The following RGPD1 variants were observed in gnomAD, a reference collection of about 807,000 sequenced individuals.
The protein encoded by RGPD1 is RANBP2-like and GRIP domain-containing protein 1.
A neutral mutation model predicts 40.6 loss-of-function variants in RGPD1; 7 were observed. That is an observed-to-expected ratio of 0.17 (90% confidence interval 0.10 to 0.32). RGPD1 has a LOEUF of 0.32. RGPD1 is among the 10% of genes least tolerant of loss of function. The pLI, the probability that RGPD1 is intolerant of heterozygous loss-of-function variation, is 1.00. For synonymous variants in RGPD1, 24 were observed against 167.0 expected, an observed-to-expected ratio of 0.14 and a Z score of 6.60; for missense variants, 50 against 472.5, an observed-to-expected ratio of 0.11 and a Z score of 8.29.
chr2:86,914,041 GCGGCGGCGGCGGCGGCCT>G (rs1238251939), intron 1 of RGPD1: 2 of 60,418 alleles, frequency 3.3e-5, no homozygotes, highest in Non-Finnish European at 6.8e-5. Context: ...GGCGGCGGCG[GCGGCGGCGGCGGCGGCCT>G]CGGCCTCGGC....
At chr2:86,914,180 G>A (rs890086167) in intron 1 of RGPD1, among the ~76,000 whole-genome samples, 2 of 58,638 alleles carry the variant, frequency 3.4e-5, no homozygotes, top group Non-Finnish European at 6.9e-5. Flanking sequence ...CGGCCTGGCC[G>A]GACGGCGGCG....
chr2:86,988,475 A>T (rs1228531315), intron 20 of RGPD1, among the ~76,000 whole-genome samples: 1 of 94,636 alleles, frequency 1.1e-5, no homozygotes, highest in Non-Finnish European at 2.2e-5. Context: ...AAACAAAAAA[A>T]ACCATGATAT....
At chr2:86,988,423 T>A (rs1681571071) in intron 20 of RGPD1, among the ~76,000 whole-genome samples, 1 of 92,360 alleles carries the variant, frequency 1.1e-5, no homozygotes, top group Non-Finnish European at 2.2e-5. Flanking sequence ...CCAGCCTGAC[T>A]GAGTGAGACT....
At chr2:86,918,453 CTTTTTTT>C (rs1160123598) in intron 1 of RGPD1, among the ~76,000 whole-genome samples, 7 of 78,112 alleles carry the variant, frequency 9.0e-5, no homozygotes, top group South Asian at 9.9e-4. Context: ...CACACCAAAT[CTTTTTTT>C]TTTTTTTTTT....
chr2:86,933,418 T>A (rs1679121029), intron 1 of RGPD1, among the ~76,000 whole-genome samples: 1 of 150,314 alleles, frequency 6.7e-6, no homozygotes, highest in Non-Finnish European at 1.5e-5. Flanking sequence ...GACAACTGAA[T>A]GCAATTGAAA....
rs1241899455 is a variant in RGPD1 at position 87,000,228 on chromosome 2, G to C, written c.5236+2470G>C. Among the ~76,000 whole-genome samples the C allele has an allele frequency of 3.7e-5, 5 of 135,848 alleles. 2 individuals carry two copies. Among genetic ancestry groups the C allele is most frequent in the African/African-American group, 1.7e-4 (5 of 28,638 alleles). The allele number at this position is 135,848 out of a possible 152,430, so 89.1% of individuals were successfully genotyped here. A position where few individuals can be genotyped will look rare whatever the true frequency, so the allele number is the denominator to read the frequency against. ...GTTATAAAATTAACCAGGACTTTAA[G>C]AATGTTTGCATTTTAAAATTAAAGT... On this transcript the variant is annotated intron_variant, in intron 22 of 22. Coordinates refer to ENST00000641458, the MANE Select transcript of RGPD1 (RefSeq NM_001382344.1).
intron 1 of RGPD1, among the ~76,000 whole-genome samples, chr2:86,914,644 GGGC>G (rs1181852229): frequency 4.0e-4 from 3 of 7,562 alleles, no homozygotes; most frequent in African/African-American, 1.6e-3. Flanking sequence ...CGACCTGGCC[GGGC>G]GGCGGCGGCG....
intron 1 of RGPD1, among the ~76,000 whole-genome samples, chr2:86,923,033 CTTTTTTTTT>C (rs1196456916): frequency 3.7e-5 from 2 of 54,500 alleles, no homozygotes; most frequent in Non-Finnish European, 6.6e-5. Context: ...TGGTATATTC[CTTTTTTTTT>C]TTTTTTTTTT....
intron 22 of RGPD1, among the ~76,000 whole-genome samples, chr2:87,009,123 G>T (rs1360052861): frequency 8.1e-6 from 1 of 122,978 alleles, no homozygotes; most frequent in Admixed American, 8.3e-5. Flanking sequence ...GGCTAACACG[G>T]TGAAACCCTG....
chr2:86,918,617 GC>G (rs1449988611), intron 1 of RGPD1, among the ~76,000 whole-genome samples: 1 of 148,414 alleles, frequency 6.7e-6, no homozygotes. Context: ...CCGCCACCAC[GC>G]CCGGCTAATT....
chr2:86,994,677 ACAT>A (rs1200028710), intron 20 of RGPD1, among the ~76,000 whole-genome samples, 161 bp from the exon 21 acceptor site: 5 of 11,252 alleles, frequency 4.4e-4, no homozygotes, highest in African/African-American at 2.4e-3. Flanking sequence ...GTCACCTACA[ACAT>A]ATAATCTGTT....
chr2:86,943,963 G>A (rs1048760983), intron 1 of RGPD1, among the ~76,000 whole-genome samples: 7 of 151,754 alleles, frequency 4.6e-5, no homozygotes, highest in African/African-American at 7.3e-5. Flanking sequence ...CCAGTGAGCC[G>A]AGGTCGCGCT....
chr2:86,930,677 C>G, intron 1 of RGPD1: 1 of 1,610,192 alleles, frequency 6.2e-7, no homozygotes, highest in Admixed American at 1.7e-5. Context: ...CTGGGCACAG[C>G]TCTCGAAGCT....
chr2:86,939,647 T>G (rs1165760452), upstream of RGPD1, among the ~76,000 whole-genome samples: 1 of 136,878 alleles, frequency 7.3e-6, no homozygotes, highest in Non-Finnish European at 1.6e-5. Flanking sequence ...TTCAACATAT[T>G]CAGCATAAAT....
At chr2:86,939,682 G>GGTGA (rs1340591424), upstream of RGPD1, among the ~76,000 whole-genome samples, 1 of 132,664 alleles carries the variant, frequency 7.5e-6, no homozygotes, top group African/African-American at 2.9e-5. Context: ...ATTTTTACTA[G>GGTGA]GTGAGTGTGT....
intron 1 of RGPD1, among the ~76,000 whole-genome samples, chr2:86,918,620 C>T (rs531730724): frequency 2.7e-5 from 4 of 148,800 alleles, no homozygotes; most frequent in Admixed American, 2.0e-4. Context: ...CCACCACGCC[C>T]GGCTAATTTT....
At chr2:86,913,908 C>A in exon 1 of RGPD1, 2 of 1,552,884 alleles carry the variant, frequency 1.3e-6, no homozygotes, top group South Asian at 1.2e-5. Flanking sequence ...GGCTCCGCCC[C>A]GTCGCCTGGA....
intron 1 of RGPD1, among the ~76,000 whole-genome samples, chr2:86,928,723 T>C (rs1678685695): frequency 6.6e-6 from 1 of 152,174 alleles, no homozygotes; most frequent in Non-Finnish European, 1.5e-5. Context: ...GCATTGGCAA[T>C]GAGAAAGTAG....
chr2:86,939,658 G>T (rs1292769323), upstream of RGPD1, among the ~76,000 whole-genome samples: 15 of 131,328 alleles, frequency 1.1e-4, no homozygotes, highest in African/African-American at 4.5e-4. Flanking sequence ...CAGCATAAAT[G>T]AATTAATGAT....
Sources: gnomAD v4.1 joint callset for allele counts (sites outside exome capture counted in the v4.1 genomes callset) on GRCh38, gnomAD v4.1.1 for gene constraint, MANE v1.5 for transcripts, NCBI Gene and HGNC (gene_info 2026-07-23, HGNC 2026-07-21) for gene names.